BIN1: variants seen among roughly 807,000 people sequenced by gnomAD.
BIN1 encodes the protein myc box-dependent-interacting protein 1.
In BIN1, 53 loss-of-function variants were observed where a neutral mutation model predicts 82.0. That is an observed-to-expected ratio of 0.65 (90% CI 0.52 to 0.81). The LOEUF is 0.81. BIN1 is among the 40% of genes least tolerant of loss of function. BIN1 has a pLI of 0.00. For missense variants in BIN1, 642 were observed against 784.4 expected (o/e 0.82, Z 2.17); for synonymous variants, 302 against 328.0 (o/e 0.92, Z 0.86).
chr2:127,085,007 C>T (rs950976041), intron 1 of BIN1, among the ~76,000 whole-genome samples: 3 of 152,160 alleles, frequency 2.0e-5, no homozygotes, highest in Non-Finnish European at 2.9e-5. Context: ...CTCCTGGTGA[C>T]GATTGAGGCC....
rs540795982 is a variant in BIN1 at position 127,107,088 on chromosome 2, A to G, written c.-145T>C. On this transcript the variant is annotated 5_prime_UTR_variant, in exon 1 of 19. Coordinates refer to ENST00000316724, the MANE Select transcript of BIN1 (RefSeq NM_139343.3). This position sits in a 1 kb window ranked among gnomAD's most constrained non-coding sequence, Gnocchi z 5.9. ...ACCCGACAGCGGAGCCAACTGACGG[A>G]GGCGGAGCGTGCGCCGGACGGGCGA... The G allele has an allele frequency of 9.5e-5, 82 of 860,502 alleles. No homozygotes were observed. In the South Asian group the frequency reaches 2.2e-3, roughly 23 times the overall value. The allele number at this position is 860,502 out of a possible 1,614,324, so 53.3% of individuals were successfully genotyped here.
chr2:127,092,701 C>A (rs939247169), intron 1 of BIN1, among the ~76,000 whole-genome samples: 3 of 152,170 alleles, frequency 2.0e-5, no homozygotes, highest in African/African-American at 7.2e-5. Flanking sequence ...CTAGAAAGGT[C>A]CCCAGAGTGT....
At chr2:127,106,808 G>A (rs1024307202) in intron 1 of BIN1, 52 bp downstream of exon 1, 7 of 1,552,624 alleles carry the variant, frequency 4.5e-6, no homozygotes, top group East Asian at 2.4e-5. Context: ...CAGGTGGCCG[G>A]GGCTCCGCGG....
chr2:127,095,516 G>A (rs1185939572), intron 1 of BIN1, among the ~76,000 whole-genome samples: 1 of 152,154 alleles, frequency 6.6e-6, no homozygotes, highest in Non-Finnish European at 1.5e-5. Context: ...CCAAACATAT[G>A]CCAGGTGTTC....
intron 1 of BIN1, among the ~76,000 whole-genome samples, chr2:127,079,996 C>T (rs975392642): frequency 7.2e-5 from 11 of 152,236 alleles, no homozygotes; most frequent in Non-Finnish European, 1.3e-4. Flanking sequence ...CCAGTGCCCC[C>T]GCCTTGGAAA....
intron 18 of BIN1, 125 bp downstream of exon 18, chr2:127,050,296 G>A (rs920648756): frequency 2.2e-5 from 21 of 961,804 alleles, no homozygotes; most frequent in Admixed American, 1.6e-4. Flanking sequence ...AGCAGTTGGC[G>A]CGGGAGCCCT....
chr2:127,050,379 C>CTG lies in BIN1; in HGVS notation c.1674+40_1674+41dup, dbSNP rs1287574578. ...GCGGTGCCAGCCGCAGCCAGGATGC[C>CTG]TGTGGTCCCCCTGCGCTCTGGCGGC... On this transcript the variant is annotated intron_variant, in intron 18 of 18. Transcript: ENST00000316724. 6 of 1,608,188 alleles carry CTG rather than the reference C, an allele frequency of 3.7e-6. No homozygotes were observed. The African/African-American group carries it at 8.0e-5, about 22-fold the overall frequency.
chr2:127,051,025 C>A (rs1682871651), intron 16 of BIN1, 113 bp from the exon 17 acceptor site: 8 of 1,504,844 alleles, frequency 5.3e-6, no homozygotes, highest in African/African-American at 2.8e-5. Context: ...TGGTGCCAGA[C>A]CGGCCCGCCT....
Position 127,057,649 on chromosome 2 carries a change from G to A in BIN1, c.1003-48C>T. 1 of 1,473,318 alleles carries A rather than the reference G, an allele frequency of 6.8e-7. No individual in the cohort carries two copies. The highest frequency in any genetic ancestry group is 1.4e-5 in the African/African-American group (1 of 71,248). 91.3% of individuals were successfully genotyped at this position (1,473,318 alleles called of 1,614,324 possible). ...GGGCCGCGCGGGAAGGCACAGCAGA[G>A]CACGGGGTTTGGGGGAGACAGACAG... On this transcript the variant is annotated intron_variant, in intron 11 of 18. Transcript: ENST00000316724. This position sits in a 1 kb window ranked among gnomAD's most constrained non-coding sequence, Gnocchi z 5.0.
rs567509136 is a variant in BIN1 at position 127,093,424 on chromosome 2, C to A, written c.84+13436G>T. 6.6e-6 allele frequency among the ~76,000 whole-genome samples: 1 copy of A among 152,328 alleles called. No individual in the cohort carries two copies. Among genetic ancestry groups the A allele is most frequent in the Non-Finnish European group, 1.5e-5 (1 of 68,024 alleles). ...AGCCATGAAACCCAGATAGTTCACT[C>A]TCTCCCACTCCCTTCACCCCTGAAG... On this transcript the variant is annotated intron_variant, in intron 1 of 18. Coordinates refer to ENST00000316724, the MANE Select transcript of BIN1 (RefSeq NM_139343.3). The surrounding 1 kb of genome is among the most constrained non-coding windows in gnomAD (Gnocchi z 5.7).
intron 18 of BIN1, 143 bp downstream of exon 18, chr2:127,050,278 C>A (rs12466852): frequency 2.5e-6 from 2 of 785,772 alleles, no homozygotes; most frequent in Admixed American, 4.1e-5. Flanking sequence ...ACGTGGAGGG[C>A]GGGGAGGAGC....
chr2:127,088,717 C>T (rs1239152307), intron 1 of BIN1, among the ~76,000 whole-genome samples: 5 of 148,988 alleles, frequency 3.4e-5, no homozygotes, highest in South Asian at 2.1e-4. Context: ...CCAGCCAGGG[C>T]GACAGAGCAA....
At chr2:127,064,636 T>TA in intron 7 of BIN1, 1 of 176,252 alleles carries the variant, frequency 5.7e-6, no homozygotes, top group East Asian at 1.4e-4. Context: ...CAGGCACCTC[T>TA]AGGAATGTCA....
rs1323293106 is a variant in BIN1, at chr2:127,093,341, T to C, written c.84+13519A>G. The stretch of plus-strand genomic sequence containing the variant: ...CCCTGCCCAGGTGAGTCATCAAAAC[T>C]GGAATTTTTCTTTCCCAAGGTGAAG... On this transcript the variant is annotated intron_variant, in intron 1 of 18. Coordinates refer to ENST00000316724, the MANE Select transcript of BIN1 (RefSeq NM_139343.3). The surrounding 1 kb of genome is among the most constrained non-coding windows in gnomAD (Gnocchi z 5.7). Among the ~76,000 whole-genome samples, 1 of 152,192 alleles carries C rather than the reference T, an allele frequency of 6.6e-6. No homozygotes were observed. Among genetic ancestry groups the C allele is most frequent in the Non-Finnish European group, 1.5e-5 (1 of 68,030 alleles).
intron 2 of BIN1, among the ~76,000 whole-genome samples, chr2:127,074,860 G>A (rs570883906): frequency 5.9e-5 from 9 of 152,264 alleles, no homozygotes; most frequent in African/African-American, 1.7e-4. Context: ...ACACCACCAC[G>A]CCTGGCTAAT....
rs547059406 is a variant in BIN1, at chr2:127,090,438, G to A, written c.85-13732C>T. ...ACTTCAGTTGTGCTGGGTGGGGCTC[G>A]CTGAGGACAGCCTGTCTCCACAGGC... On this transcript the variant is annotated intron_variant, in intron 1 of 18. Transcript: ENST00000316724. This position sits in a 1 kb window ranked among gnomAD's most constrained non-coding sequence, Gnocchi z 6.4. 9.3e-4 allele frequency among the ~76,000 whole-genome samples: 141 copies of A among 152,324 alleles called. No homozygotes were observed. The highest frequency in any genetic ancestry group is 3.0e-3 in the African/African-American group (124 of 41,564).
chr2:127,103,441 C>G (rs1680606464), intron 1 of BIN1, among the ~76,000 whole-genome samples: 1 of 152,166 alleles, frequency 6.6e-6, no homozygotes, highest in Non-Finnish European at 1.5e-5. Context: ...GCACTGACAA[C>G]CCTGGGCCCT....
At chr2:127,086,437 G>A (rs1678166781) in intron 1 of BIN1, among the ~76,000 whole-genome samples, 2 of 151,984 alleles carry the variant, frequency 1.3e-5, no homozygotes, top group South Asian at 4.2e-4. Flanking sequence ...TTTTCACGAT[G>A]AAATACAAAA....
At position 127,065,639 on chromosome 2, in the gene BIN1, A is replaced by G. The variant is rs997858776; in HGVS notation, c.613-1621T>C. Among the ~76,000 whole-genome samples, 3 of 151,824 alleles carry G rather than the reference A, an allele frequency of 2.0e-5. No homozygotes were observed. The East Asian group carries it at 5.8e-4, about 29-fold the overall frequency. On this transcript the variant is annotated intron_variant, in intron 7 of 18. Transcript: ENST00000316724. Reference sequence around the variant, plus strand: ...CCACCCGGCTCCTGTACCCACTAGGACCCCCTCTCCATGAGGATGCAGCCA... The same window carrying G: ...CCACCCGGCTCCTGTACCCACTAGGGCCCCCTCTCCATGAGGATGCAGCCA...
Sources: gnomAD v4.1 joint callset for allele counts (sites outside exome capture counted in the v4.1 genomes callset) on GRCh38, gnomAD v4.1.1 for gene constraint, Gnocchi (gnomAD v3.1) non-coding constraint, MANE v1.5 for transcripts, NCBI Gene and HGNC (gene_info 2026-07-23, HGNC 2026-07-21) for gene names.